Variants in MAP3K10 observed in about 807,000 individuals in gnomAD.
The protein encoded by MAP3K10 is MKN28 derived nonreceptor_type serine/threonine kinase.
Under a neutral mutation model 75.0 loss-of-function variants are expected in MAP3K10, and 22 were observed. That is an observed-to-expected ratio of 0.29 (90% CI 0.21 to 0.42). The LOEUF (loss-of-function observed/expected upper bound fraction) is 0.42, where lower values mean the gene tolerates loss of function less well. Ranked by LOEUF, MAP3K10 falls within the 10% of genes least tolerant of loss-of-function variation. The pLI, the probability that MAP3K10 is intolerant of heterozygous loss-of-function variation, is 1.00. For missense variants in MAP3K10, 1,165 were observed against 1,379.8 expected, an observed-to-expected ratio of 0.84 and a Z score of 2.47; for synonymous variants, 599 against 612.9, an observed-to-expected ratio of 0.98 and a Z score of 0.34.
Position 40,213,258 on chromosome 19 carries a change from C to A in MAP3K10, c.1837+70C>A, listed in dbSNP as rs1599917598. 5 of 1,472,204 alleles carry A rather than the reference C, an allele frequency of 3.4e-6. No individual in the cohort carries two copies. Among genetic ancestry groups the A allele is most frequent in the South Asian group, 1.4e-5 (1 of 73,064 alleles). 91.2% of individuals were successfully genotyped at this position (1,472,204 alleles called of 1,614,324 possible). A position where few individuals can be genotyped will look rare whatever the true frequency, so the allele number is the denominator to read the frequency against. On this transcript the variant is annotated intron_variant, in intron 8 of 9. Transcript: ENST00000253055. The surrounding 1 kb of genome is among the most constrained non-coding windows in gnomAD (Gnocchi z 5.7). ...AAGGGGTGAGCCTCCTGGGGCTGAG[C>A]GAAGAGACCAGGTTTCACTGGGCCA...
At chr19:40,201,462 G>A (rs899704544) in intron 2 of MAP3K10, among the ~76,000 whole-genome samples, 2 of 150,070 alleles carry the variant, frequency 1.3e-5, no homozygotes, top group Non-Finnish European at 3.0e-5. Context: ...TAAAGTGCTG[G>A]GATTACAGGC....
In MAP3K10 at chr19:40,213,788, G is replaced by T. The variant is rs1973288970; in HGVS notation, c.2109G>T (p.Arg703=). The change falls in exon 9 of 10, where the codon CGG becomes CGT. Residue 703 remains arginine, a synonymous_variant. Transcript: ENST00000253055. The surrounding 1 kb of genome is among the most constrained non-coding windows in gnomAD (Gnocchi z 5.7). ...EARAADGEEQ[R]RWLDGLFFPR... ...GCGCGGCCGACGGTGAGGAGCAGCG[G>T]CGCTGGCTCGACGGCCTCTTCTTTC... is the stretch of plus-strand genomic sequence containing the variant. The T allele has an allele frequency of 2.4e-6, 3 of 1,250,226 alleles. No individual in the cohort carries two copies. Among genetic ancestry groups the T allele is most frequent in the Admixed American group, 8.6e-5 (2 of 23,292 alleles). 77.4% of individuals were successfully genotyped at this position (1,250,226 alleles called of 1,614,324 possible).
Position 40,209,213 on chromosome 19 carries a change from A to G in MAP3K10, c.1546A>G (p.Ile516Val), listed in dbSNP as rs761986165. The change falls in exon 6 of 10, where the codon ATT becomes GTT. Residue 516 changes from isoleucine (I) to valine (V), a missense_variant. Ile to Val is a conservative substitution (Grantham distance 29). Around this residue, in one of 2 missense-constraint regions of MAP3K10, gnomAD observed 575 missense variants for 793.2 expected, o/e 0.72. Coordinates refer to ENST00000253055, the MANE Select transcript of MAP3K10 (RefSeq NM_002446.4). ...CAGCATCATCCCCCGGCTGAGGGCC[A>G]TTCGCCGTGAGTATCTCCCAAGGCC... is the stretch of plus-strand genomic sequence containing the variant. ...SPSIIPRLRA[I>V]RLTPVDCGGS... The G allele has an allele frequency of 1.9e-6, 3 of 1,613,784 alleles. No individual in the cohort carries two copies. In the African/African-American group the frequency reaches 4.0e-5, roughly 21 times the overall value.
rs1304432588 is a variant in MAP3K10, at chr19:40,215,526, A to G, written c.*234A>G. On this transcript the variant is annotated 3_prime_UTR_variant, in exon 10 of 10. Transcript: ENST00000253055. ...CAGGGATACTCAGGGACAGGGCATC[A>G]TGGGGGATTTGGCACAAAATGGAGC... is the stretch of plus-strand genomic sequence containing the variant. 5 of 495,378 alleles carry G rather than the reference A, an allele frequency of 1.0e-5. No individual in the cohort carries two copies. Among genetic ancestry groups the G allele is most frequent in the African/African-American group, 2.0e-5 (1 of 50,896 alleles). 30.7% of individuals were successfully genotyped at this position (495,378 alleles called of 1,614,324 possible).
Position 40,213,825 on chromosome 19 carries a change from C to A in MAP3K10, c.2146C>A (p.Arg716Ser). 1 of 1,314,036 alleles carries A rather than the reference C, an allele frequency of 7.6e-7. No homozygotes were observed. Among genetic ancestry groups the A allele is most frequent in the Non-Finnish European group, 9.7e-7 (1 of 1,030,370 alleles). 81.4% of individuals were successfully genotyped at this position (1,314,036 alleles called of 1,614,324 possible). ...CGGCCTCTTCTTTCCCCGCGCCGGC[C>A]GCTTCCCGCGGGGCCTCAGCCCACC... ...LDGLFFPRAG[R>S]FPRGLSPPAR... The change falls in exon 9 of 10, where the codon CGC becomes AGC. Residue 716 changes from arginine to serine, a missense_variant. Around this residue, in one of 2 missense-constraint regions of MAP3K10, gnomAD observed 590 missense variants for 586.6 expected, o/e 1.01. Coordinates refer to ENST00000253055, the MANE Select transcript of MAP3K10 (RefSeq NM_002446.4). This position sits in a 1 kb window ranked among gnomAD's most constrained non-coding sequence, Gnocchi z 5.7.
chr19:40,214,007 A>ACCCCCCC lies in MAP3K10; in HGVS notation c.2330_2331insCCCCCCC (p.Ser779ProfsTer75). On this transcript the variant is annotated frameshift_variant, in exon 9 of 10. Transcript: ENST00000253055. LOFTEE classifies it high-confidence loss of function. Reference sequence around the variant, plus strand: ...AGGCCGCACCGGCCGCGCCCTCCCCACCACCCTCCCCGCCCGCGCCCACAC... The same window carrying ACCCCCCC: ...AGGCCGCACCGGCCGCGCCCTCCCCACCCCCCCCCACCCTCCCCGCCCGCGCCCACAC... The ACCCCCCC allele has an allele frequency of 7.8e-6, 4 of 512,948 alleles. No homozygotes were observed. Among genetic ancestry groups the ACCCCCCC allele is most frequent in the East Asian group, 6.5e-5 (1 of 15,468 alleles). The allele number at this position is 512,948 out of a possible 1,614,324, so 31.8% of individuals were successfully genotyped here. A position where few individuals can be genotyped will look rare whatever the true frequency, so the allele number is the denominator to read the frequency against.
At position 40,206,080 on chromosome 19, in the gene MAP3K10, G is replaced by A. The variant is rs904167606; in HGVS notation, c.1358G>A (p.Arg453His). 16 of 1,613,274 alleles carry A rather than the reference G, an allele frequency of 9.9e-6. No individual in the cohort carries two copies. The highest frequency in any genetic ancestry group is 2.2e-5 in the East Asian group (1 of 44,856). ...CTGAGCCAGGAGAAGCCCCGGGTCC[G>A]CAAGCGCAAGGGCAACTTCAAGCGC... Reference protein sequence around the residue: ...CQLSQEKPRVRKRKGNFKRSR... With the variant: ...CQLSQEKPRVHKRKGNFKRSR... Residue 453 changes from arginine to histidine, a missense_variant, in exon 5 of 10, where the codon CGC (arginine) becomes CAC (histidine). By Grantham distance (29) the Arg-to-His change is conservative (BLOSUM62 0). This residue lies in a region of MAP3K10 where 575 missense variants were observed against 793.2 expected (regional missense o/e 0.72). Coordinates refer to ENST00000253055, the MANE Select transcript of MAP3K10 (RefSeq NM_002446.4).
rs117163728 is a variant in MAP3K10, at chr19:40,213,274, C to T, written c.1837+86C>T. 95,553 of 1,461,448 alleles carry T rather than the reference C, an allele frequency of 0.065. 3,719 individuals carry two copies. The highest frequency in any genetic ancestry group is 0.077 in the Non-Finnish European group (84,943 of 1,107,382). The allele number at this position is 1,461,448 out of a possible 1,614,324, so 90.5% of individuals were successfully genotyped here. Reference sequence around the variant, plus strand: ...GGGGCTGAGCGAAGAGACCAGGTTTCACTGGGCCAGTGAGTGGAAGGCCTT... The same window carrying T: ...GGGGCTGAGCGAAGAGACCAGGTTTTACTGGGCCAGTGAGTGGAAGGCCTT... On this transcript the variant is annotated intron_variant, in intron 8 of 9. Coordinates refer to ENST00000253055, the MANE Select transcript of MAP3K10 (RefSeq NM_002446.4). The surrounding 1 kb of genome is among the most constrained non-coding windows in gnomAD (Gnocchi z 5.7).
chr19:40,212,971 G>A lies in MAP3K10; in HGVS notation c.1719G>A (p.Glu573=). 1 of 1,601,792 alleles carries A rather than the reference G, an allele frequency of 6.2e-7. No homozygotes were observed. Among genetic ancestry groups the A allele is most frequent in the Non-Finnish European group, 8.5e-7 (1 of 1,173,720 alleles). ...STLQKERVGG[E]ERLKGLGEGS... is the part of the protein sequence containing the mutation. ...TGCAGAAGGAGCGGGTGGGAGGAGA[G>A]GAGAGGTGAGGTGTGGTGTGGTCAT... The change falls in exon 7 of 10, where the codon GAG becomes GAA. Residue 573 remains glutamate (E), a synonymous_variant. Coordinates refer to ENST00000253055, the MANE Select transcript of MAP3K10 (RefSeq NM_002446.4). This position sits in a 1 kb window ranked among gnomAD's most constrained non-coding sequence, Gnocchi z 4.2.
intron 2 of MAP3K10, among the ~76,000 whole-genome samples, chr19:40,200,092 C>A (rs1328653976): frequency 6.6e-6 from 1 of 152,006 alleles, no homozygotes; most frequent in Non-Finnish European, 1.5e-5. Context: ...GCCAGGAGTT[C>A]ATTCAGGACT....
chr19:40,195,510 A>G (rs890089465), intron 1 of MAP3K10, among the ~76,000 whole-genome samples: 2 of 16,374 alleles, frequency 1.2e-4, no homozygotes, highest in Admixed American at 1.4e-3. Flanking sequence ...TTTTTTTTTG[A>G]GACAGAGTCA....
Position 40,212,871 on chromosome 19 carries a change from G to A in MAP3K10, c.1619G>A (p.Arg540His), listed in dbSNP as rs577404853. 73 of 1,611,482 alleles carry A rather than the reference G, an allele frequency of 4.5e-5. No individual in the cohort carries two copies. The highest frequency in any genetic ancestry group is 5.9e-5 in the Non-Finnish European group (69 of 1,179,268). ...SSSGGSGTWS[R>H]GGPPKKEELV... ...AGTGGAGGAAGTGGGACATGGAGCC[G>A]CGGTGGGCCCCCAAAGAAGGAAGAA... Residue 540 changes from arginine to histidine, a missense_variant, in exon 7 of 10, where the codon CGC (arginine) becomes CAC (histidine). This residue lies in a region of MAP3K10 where 575 missense variants were observed against 793.2 expected (regional missense o/e 0.72). Transcript: ENST00000253055. This position sits in a 1 kb window ranked among gnomAD's most constrained non-coding sequence, Gnocchi z 4.2.
At position 40,192,236 on chromosome 19, in the gene MAP3K10, G is replaced by A. The variant is rs758964321; in HGVS notation, c.205G>A (p.Gly69Ser). The A allele has an allele frequency of 6.2e-7, 1 of 1,604,694 alleles. No individual in the cohort carries two copies. The highest frequency in any genetic ancestry group is 8.5e-7 in the Non-Finnish European group (1 of 1,177,280). ...WTGQLPSGRV[G>S]VFPSNYVAPG... ...CGGGCAGCTCCCCAGCGGCCGCGTG[G>A]GCGTCTTCCCCAGCAACTACGTGGC... Residue 69 changes from glycine (G) to serine (S), a missense_variant, in exon 1 of 10, where the codon GGC (glycine) becomes AGC (serine). Transcript: ENST00000253055. This position sits in a 1 kb window ranked among gnomAD's most constrained non-coding sequence, Gnocchi z 7.1.
In MAP3K10 at chr19:40,200,022, C is replaced by A. The variant is rs138930500; in HGVS notation, c.863+1467C>A. Among the ~76,000 whole-genome samples, 960 of 151,104 alleles carry A rather than the reference C, an allele frequency of 6.4e-3. 11 individuals carry two copies. The highest frequency in any genetic ancestry group is 0.022 in the African/African-American group (905 of 41,110). ...AAAAATACAAAAATTCGGCCAGGCGCGGTGGCTCACGCCTGTAATCCTGGC... is the reference window on the plus strand; with the variant it reads ...AAAAATACAAAAATTCGGCCAGGCGAGGTGGCTCACGCCTGTAATCCTGGC... On this transcript the variant is annotated intron_variant, in intron 2 of 9. Coordinates refer to ENST00000253055, the MANE Select transcript of MAP3K10 (RefSeq NM_002446.4).
Position 40,204,984 on chromosome 19 carries a change from C to G in MAP3K10, c.1013-137C>G. ...ATTGGCCAGGAGCTTGGCTTTGAAT[C>G]CCTTCCCCTCAGCTCCATAGCAGCT... On this transcript the variant is annotated intron_variant, in intron 3 of 9. Transcript: ENST00000253055. The surrounding 1 kb of genome is among the most constrained non-coding windows in gnomAD (Gnocchi z 4.3). The G allele has an allele frequency of 1.2e-6, 1 of 817,920 alleles. No individual in the cohort carries two copies. The highest frequency in any genetic ancestry group is 2.2e-5 in the Admixed American group (1 of 46,352). The allele number at this position is 817,920 out of a possible 1,614,324, so 50.7% of individuals were successfully genotyped here.
In MAP3K10 at chr19:40,191,978, A is replaced by G; in HGVS notation, c.-54A>G. Reference sequence around the variant, plus strand: ...CCGGCCGCCGGGGCCCGCCCTCTGCATCCCGCGGGCAGCCTGTGTGAAGCG... The same window carrying G: ...CCGGCCGCCGGGGCCCGCCCTCTGCGTCCCGCGGGCAGCCTGTGTGAAGCG... On this transcript the variant is annotated 5_prime_UTR_variant, in exon 1 of 10. Coordinates refer to ENST00000253055, the MANE Select transcript of MAP3K10 (RefSeq NM_002446.4). 1 of 1,263,404 alleles carries G rather than the reference A, an allele frequency of 7.9e-7. No individual in the cohort carries two copies. Among genetic ancestry groups the G allele is most frequent in the Non-Finnish European group, 1.0e-6 (1 of 960,676 alleles). 78.3% of individuals were successfully genotyped at this position (1,263,404 alleles called of 1,614,324 possible).
rs767775266 is a variant in MAP3K10 at position 40,206,079 on chromosome 19, C to T, written c.1357C>T (p.Arg453Cys). The change falls in exon 5 of 10, where the codon CGC (arginine) becomes TGC (cysteine). Residue 453 changes from arginine to cysteine, a missense_variant. This residue lies in a region of MAP3K10 where 575 missense variants were observed against 793.2 expected (regional missense o/e 0.72). Coordinates refer to ENST00000253055, the MANE Select transcript of MAP3K10 (RefSeq NM_002446.4). ...CQLSQEKPRV[R>C]KRKGNFKRSR... ...GCTGAGCCAGGAGAAGCCCCGGGTC[C>T]GCAAGCGCAAGGGCAACTTCAAGCG... 2.5e-5 allele frequency: 40 copies of T among 1,613,224 alleles called. No homozygotes were observed. Among genetic ancestry groups the T allele is most frequent in the Admixed American group, 3.3e-5 (2 of 59,950 alleles).
In MAP3K10 at chr19:40,213,550, G is replaced by A. The variant is rs1228729806; in HGVS notation, c.1871G>A (p.Ser624Asn). 1.9e-6 allele frequency: 3 copies of A among 1,611,972 alleles called. No homozygotes were observed. Among genetic ancestry groups the A allele is most frequent in the Middle Eastern group, 3.3e-4 (2 of 6,054 alleles). The change falls in exon 9 of 10, where the codon AGC becomes AAC. Residue 624 changes from serine to asparagine, a missense_variant. Physicochemically the swap from Ser to Asn is conservative, Grantham distance 46 (BLOSUM62 1). Coordinates refer to ENST00000253055, the MANE Select transcript of MAP3K10 (RefSeq NM_002446.4). This position sits in a 1 kb window ranked among gnomAD's most constrained non-coding sequence, Gnocchi z 5.7. ...GCGGAGGCAGAGGATGGAGGCAGCAGCGTGCCCCCTTCCCCCTACTCGACC... is the reference window on the plus strand; with the variant it reads ...GCGGAGGCAGAGGATGGAGGCAGCAACGTGCCCCCTTCCCCCTACTCGACC... ...EFAEAEDGGS[S>N]VPPSPYSTPS...
rs539565456 is a variant in MAP3K10 at position 40,213,859 on chromosome 19, C to T, written c.2180C>T (p.Pro727Leu). 468 of 1,399,584 alleles carry T rather than the reference C, an allele frequency of 3.3e-4. 3 individuals are homozygous for T. The highest frequency in any genetic ancestry group is 3.0e-3 in the East Asian group (94 of 31,072). The allele number at this position is 1,399,584 out of a possible 1,614,324, so 86.7% of individuals were successfully genotyped here. ...CGGGGCCTCAGCCCACCCGCGCGTC[C>T]CCACGGCCGCCGCGAAGACGTGGGC... The part of the protein sequence containing the change: ...FPRGLSPPAR[P>L]HGRREDVGPG... Residue 727 changes from proline (P) to leucine (L), a missense_variant, in exon 9 of 10, where the codon CCC (proline) becomes CTC (leucine). Pro to Leu is a moderately conservative substitution (Grantham distance 98, BLOSUM62 -3). Coordinates refer to ENST00000253055, the MANE Select transcript of MAP3K10 (RefSeq NM_002446.4). This position sits in a 1 kb window ranked among gnomAD's most constrained non-coding sequence, Gnocchi z 5.7.
Sources: allele counts gnomAD v4.1 joint callset (sites outside exome capture counted in the v4.1 genomes callset), GRCh38; gene constraint gnomAD v4.1.1; regional missense constraint gnomAD v4.1.1; non-coding constraint Gnocchi (gnomAD v3.1); transcripts MANE v1.5; gene names NCBI Gene and HGNC (gene_info 2026-07-23, HGNC 2026-07-21).